The following GRIK1 variants were observed in gnomAD, a reference collection of about 807,000 sequenced individuals.
The protein encoded by GRIK1 is glutamate receptor ionotropic, kainate 1.
A neutral mutation model predicts 105.7 loss-of-function variants in GRIK1; 69 were observed. The ratio of observed to expected loss-of-function variants is 0.65; its 90% CI spans 0.54 to 0.80. The LOEUF (loss-of-function observed/expected upper bound fraction) is 0.80. Among genes scored for constraint, GRIK1 ranks in the 30% least tolerant of loss-of-function variants. The probability of loss-of-function intolerance (pLI) is 0.00; values close to 1 mark genes in which losing one functional copy is unlikely to be tolerated. For synonymous variants in GRIK1, 438 were observed against 431.3 expected, an observed-to-expected ratio of 1.02 and a Z score of -0.19; for missense variants, 1,109 against 1,167.3, an observed-to-expected ratio of 0.95 and a Z score of 0.73.
chr21:29,782,188 G>A (rs997101388), intron 1 of GRIK1, among the ~76,000 whole-genome samples: 5 of 149,744 alleles, frequency 3.3e-5, no homozygotes, highest in South Asian at 2.1e-4. Context: ...CCGGGTTCAC[G>A]CCATTCTCCT....
At position 29,537,194 on chromosome 21, in the gene GRIK1, A is replaced by C; in HGVS notation, c.*36T>G. On this transcript the variant is annotated 3_prime_UTR_variant, in exon 18 of 18. Coordinates refer to ENST00000327783, the MANE Select transcript of GRIK1 (RefSeq NM_001330994.2). ...TCCTTTCTCCAAAAATCTGTAGGGA[A>C]TGCATCCTTTTTCTTCCTACAGGCG... 1.3e-6 allele frequency: 2 copies of C among 1,492,408 alleles called. No individual in the cohort carries two copies. The highest frequency in any genetic ancestry group is 1.8e-6 in the Non-Finnish European group (2 of 1,106,344). 92.4% of individuals were successfully genotyped at this position (1,492,408 alleles called of 1,614,324 possible).
At chr21:29,802,782 C>T (rs2066748833) in intron 1 of GRIK1, among the ~76,000 whole-genome samples, 1 of 152,134 alleles carries the variant, frequency 6.6e-6, no homozygotes, top group African/African-American at 2.4e-5. Context: ...TGTGTCTTGA[C>T]CAATCTAGCT....
At chr21:29,701,472 G>C (rs946189345) in intron 1 of GRIK1, among the ~76,000 whole-genome samples, 17 of 152,202 alleles carry the variant, frequency 1.1e-4, no homozygotes, top group African/African-American at 3.9e-4. Flanking sequence ...GGGTGAGCTG[G>C]GCTTGGACTG....
chr21:29,768,262 G>C (rs1356586616), intron 1 of GRIK1, among the ~76,000 whole-genome samples: 1 of 152,148 alleles, frequency 6.6e-6, no homozygotes, highest in Non-Finnish European at 1.5e-5. Flanking sequence ...ACACTGATGA[G>C]TCAGTTGTTT....
At chr21:29,787,708 G>A (rs142863726) in intron 1 of GRIK1, among the ~76,000 whole-genome samples, 1 of 152,168 alleles carries the variant, frequency 6.6e-6, no homozygotes, top group Non-Finnish European at 1.5e-5. Flanking sequence ...TTAGCCTATA[G>A]ACGCACCACG....
chr21:29,650,346 A>G (rs2062706120), intron 6 of GRIK1, among the ~76,000 whole-genome samples: 2 of 152,216 alleles, frequency 1.3e-5, no homozygotes, highest in Non-Finnish European at 1.5e-5. Context: ...TTAAAATGCT[A>G]TTACCTGCCT....
At chr21:29,803,484 C>T (rs2066769921) in intron 1 of GRIK1, among the ~76,000 whole-genome samples, 1 of 152,036 alleles carries the variant, frequency 6.6e-6, no homozygotes, top group Non-Finnish European at 1.5e-5. Context: ...CAGGAGAATG[C>T]CATGTGTTGT....
intron 1 of GRIK1, among the ~76,000 whole-genome samples, chr21:29,775,957 G>T (rs940150954): frequency 6.6e-6 from 1 of 152,178 alleles, no homozygotes; most frequent in African/African-American, 2.4e-5. Context: ...TTGACTCAAG[G>T]TTCAGCATGG....
At chr21:29,780,742 C>G (rs2066073700) in intron 1 of GRIK1, among the ~76,000 whole-genome samples, 1 of 152,180 alleles carries the variant, frequency 6.6e-6, no homozygotes, top group African/African-American at 2.4e-5. Context: ...AGAAGAAGCA[C>G]CTTATGGATT....
At chr21:29,651,580 A>G (rs1185338751) in intron 5 of GRIK1, among the ~76,000 whole-genome samples, 1 of 152,186 alleles carries the variant, frequency 6.6e-6, no homozygotes, top group African/African-American at 2.4e-5. Flanking sequence ...ATTTGTCCAG[A>G]GTCTCCATAC....
At chr21:29,647,471 C>T (rs2062643308) in intron 6 of GRIK1, among the ~76,000 whole-genome samples, 1 of 152,148 alleles carries the variant, frequency 6.6e-6, no homozygotes, top group African/African-American at 2.4e-5. Flanking sequence ...TCTATGACGT[C>T]TTCCCTGTGG....
chr21:29,672,745 C>T (rs1037001859), intron 4 of GRIK1, among the ~76,000 whole-genome samples: 5 of 152,146 alleles, frequency 3.3e-5, no homozygotes, highest in African/African-American at 7.2e-5. Flanking sequence ...ACATACCACT[C>T]GGTCCACCCA....
chr21:29,577,520 T>C (rs1275805161), intron 13 of GRIK1, among the ~76,000 whole-genome samples: 1 of 152,218 alleles, frequency 6.6e-6, no homozygotes, highest in African/African-American at 2.4e-5. Flanking sequence ...TCTAAATGCA[T>C]CTTATAGTGT....
intron 1 of GRIK1, among the ~76,000 whole-genome samples, chr21:29,724,571 A>T (rs1487400315): frequency 6.6e-6 from 1 of 152,242 alleles, no homozygotes; most frequent in Non-Finnish European, 1.5e-5. Context: ...ACAACTAAAT[A>T]TGGGAGAGAC....
At chr21:29,874,403 G>A (rs540118053) in intron 1 of GRIK1, among the ~76,000 whole-genome samples, 1 of 152,262 alleles carries the variant, frequency 6.6e-6, no homozygotes, top group Middle Eastern at 3.4e-3. Context: ...GTTACCTAGG[G>A]CGAGGCCAGA....
At chr21:29,701,606 G>A (rs1024781074) in intron 1 of GRIK1, among the ~76,000 whole-genome samples, 1 of 152,190 alleles carries the variant, frequency 6.6e-6, no homozygotes, top group African/African-American at 2.4e-5. Flanking sequence ...TCTTTGAGCA[G>A]AGGAGTGAAA....
chr21:29,621,281 T>C (rs957584749), intron 7 of GRIK1, among the ~76,000 whole-genome samples: 5 of 152,128 alleles, frequency 3.3e-5, no homozygotes, highest in Non-Finnish European at 7.3e-5. Flanking sequence ...GGATGACACA[T>C]AGGAACTGGT....
intron 1 of GRIK1, among the ~76,000 whole-genome samples, chr21:29,753,555 C>T (rs1224086433): frequency 6.6e-6 from 1 of 152,154 alleles, no homozygotes; most frequent in Non-Finnish European, 1.5e-5. Flanking sequence ...ATAAAATTGT[C>T]CCTGTGAAAC....
At chr21:29,858,235 A>G (rs1430974170) in intron 1 of GRIK1, among the ~76,000 whole-genome samples, 1 of 152,156 alleles carries the variant, frequency 6.6e-6, no homozygotes, top group African/African-American at 2.4e-5. Context: ...AGGTAATAGA[A>G]TAACAATTCC....
Sources: gnomAD v4.1 joint callset for allele counts (sites outside exome capture counted in the v4.1 genomes callset) on GRCh38, gnomAD v4.1.1 for gene constraint, MANE v1.5 for transcripts, NCBI Gene and HGNC (gene_info 2026-07-23, HGNC 2026-07-21) for gene names.